The following RHOBTB1 variants were observed in gnomAD, a reference collection of about 807,000 sequenced individuals.
The protein encoded by RHOBTB1 is rho-related BTB domain-containing protein 1.
A neutral mutation model predicts 71.6 loss-of-function variants in RHOBTB1; 40 were observed. The observed-to-expected ratio is 0.56, with a 90% confidence interval of 0.43 to 0.73. RHOBTB1 has a LOEUF of 0.73. RHOBTB1 is among the 30% of genes least tolerant of loss of function. The pLI is 0.00. For missense variants in RHOBTB1, 797 were observed against 894.0 expected (o/e 0.89, Z 1.38); for synonymous variants, 319 against 334.9 (o/e 0.95, Z 0.52).
At chr10:60,925,010 A>G (rs1435619302) in intron 2 of RHOBTB1, among the ~76,000 whole-genome samples, 1 of 152,194 alleles carries the variant, frequency 6.6e-6, no homozygotes, top group African/African-American at 2.4e-5. Flanking sequence ...GGCTTGAGCC[A>G]TCCTCTTGGT....
intron 2 of RHOBTB1, among the ~76,000 whole-genome samples, chr10:60,929,214 T>A (rs1040487894): frequency 2.6e-5 from 4 of 152,084 alleles, no homozygotes; most frequent in Non-Finnish European, 5.9e-5. Flanking sequence ...TATCACCCAA[T>A]TACCATGATT....
chr10:60,970,597 T>C (rs2086119818), intron 2 of RHOBTB1, among the ~76,000 whole-genome samples: 1 of 152,102 alleles, frequency 6.6e-6, no homozygotes, highest in Non-Finnish European at 1.5e-5. Context: ...AACTTTAGAA[T>C]CATTTTGGAC....
intron 2 of RHOBTB1, among the ~76,000 whole-genome samples, chr10:60,967,364 C>T (rs1380821935): frequency 6.8e-6 from 1 of 147,330 alleles, no homozygotes; most frequent in African/African-American, 2.5e-5. Context: ...CCTGTCTTGG[C>T]TCACCGCAAT....
rs1280242543 is a variant in RHOBTB1 at position 60,872,255 on chromosome 10, C to T, written c.1851G>A (p.Leu617=). ...TGTTGTAGTTGGTGCAGATGTGGTG[C>T]AAACACCAGGCGGCCAACTGGTGGG... ...HNAHQLAAWC[L]HHICTNYNSV... is the part of the protein sequence containing the mutation. The change falls in exon 10 of 11, where the codon TTG becomes TTA. Residue 617 remains leucine (L), a synonymous_variant. Coordinates refer to ENST00000337910, the MANE Select transcript of RHOBTB1 (RefSeq NM_014836.5). 1.2e-6 allele frequency: 2 copies of T among 1,614,098 alleles called. No homozygotes were observed. The highest frequency in any genetic ancestry group is 1.7e-5 in the Admixed American group (1 of 60,030).
intron 4 of RHOBTB1, among the ~76,000 whole-genome samples, chr10:60,901,944 G>A (rs947307900): frequency 4.6e-5 from 7 of 152,178 alleles, no homozygotes; most frequent in Non-Finnish European, 8.8e-5. Flanking sequence ...CATGTGACTG[G>A]TGCTTGGGCA....
Position 60,988,706 on chromosome 10 carries a change from T to C in RHOBTB1, c.-162-2761A>G, listed in dbSNP as rs535043187. On this transcript the variant is annotated intron_variant, in intron 1 of 11. Transcript: ENST00000357917. ...ACATTTTCTTTATTCAATCCACCAC[T>C]GATGGGCACCTAGGTTGATTCCATG... Among the ~76,000 whole-genome samples the C allele has an allele frequency of 2.6e-5, 4 of 152,316 alleles. No individual in the cohort carries two copies. In the South Asian group the frequency reaches 6.2e-4, roughly 24 times the overall value.
chr10:60,861,097 C>A, the RHOBTB1 span, among the ~76,000 whole-genome samples: 1 of 152,156 alleles, frequency 6.6e-6, no homozygotes, highest in African/African-American at 2.4e-5. Context: ...AGATAATTGG[C>A]AGCACACTGG....
intron 10 of RHOBTB1, 67 bp from the exon 11 acceptor site, chr10:60,871,718 G>C: frequency 6.9e-7 from 1 of 1,455,232 alleles, no homozygotes; most frequent in Non-Finnish European, 9.4e-7. Flanking sequence ...GCTAGGCCTT[G>C]AGCTTAAAGC....
chr10:61,001,624 G>T (rs979430429), upstream of RHOBTB1, among the ~76,000 whole-genome samples: 3 of 151,962 alleles, frequency 2.0e-5, no homozygotes, highest in African/African-American at 4.8e-5. Context: ...GGGACCACGG[G>T]TCCCTCCACA....
chr10:60,898,315 G>T (rs2082257425), intron 4 of RHOBTB1, among the ~76,000 whole-genome samples: 1 of 152,112 alleles, frequency 6.6e-6, no homozygotes, highest in South Asian at 2.1e-4. Context: ...GTTCTTTACA[G>T]AAACATTTTC....
At chr10:61,001,182 A>G (rs2087254649) in intron 1 of RHOBTB1, among the ~76,000 whole-genome samples, 2 of 152,124 alleles carry the variant, frequency 1.3e-5, no homozygotes. Flanking sequence ...GTGCTTTGTC[A>G]GAGCAGCTGG....
chr10:60,900,874 T>C (rs542093874), intron 4 of RHOBTB1, among the ~76,000 whole-genome samples: 58 of 152,348 alleles, frequency 3.8e-4, no homozygotes, highest in African/African-American at 1.3e-3. Flanking sequence ...TCTCTATATA[T>C]TTTAATTATT....
At chr10:60,893,141 G>A in intron 4 of RHOBTB1, 146 bp from the exon 5 acceptor site, 1 of 653,326 alleles carries the variant, frequency 1.5e-6, no homozygotes, top group Non-Finnish European at 2.6e-6. Flanking sequence ...AAAACATCTT[G>A]GAGTCATGCA....
At chr10:60,872,358 A>C in intron 9 of RHOBTB1, 68 bp from the exon 10 acceptor site, 1 of 1,088,986 alleles carries the variant, frequency 9.2e-7, no homozygotes, top group Non-Finnish European at 1.4e-6. Context: ...AAATTGGGGA[A>C]GCCATTTTAA....
chr10:60,936,999 A>G (rs1253965428), intron 2 of RHOBTB1, among the ~76,000 whole-genome samples: 2 of 152,336 alleles, frequency 1.3e-5, no homozygotes, highest in Admixed American at 6.5e-5. Context: ...AAATACTAAA[A>G]GTGAAATTGC....
chr10:60,963,625 G>A lies in RHOBTB1; in HGVS notation c.-61-21771C>T, dbSNP rs192231233. Among the ~76,000 whole-genome samples the A allele has an allele frequency of 5.9e-5, 9 of 152,242 alleles. No homozygotes were observed. In the East Asian group the frequency reaches 1.7e-3, roughly 29 times the overall value. On this transcript the variant is annotated intron_variant, in intron 2 of 11. Transcript: ENST00000357917. ...TGAGGTCATGTGTTCCATTGGAACA[G>A]GAAAAATATTTCAGATCTGTGGTCC...
intron 5 of RHOBTB1, among the ~76,000 whole-genome samples, chr10:60,891,334 CTTTTTTT>C (rs756153141): frequency 7.0e-5 from 5 of 71,318 alleles, no homozygotes; most frequent in African/African-American, 1.8e-4. Flanking sequence ...TTGCTGTTTG[CTTTTTTT>C]TTTTTTTTTT....
At chr10:60,965,448 A>C (rs1359052499) in intron 2 of RHOBTB1, among the ~76,000 whole-genome samples, 2 of 152,060 alleles carry the variant, frequency 1.3e-5, no homozygotes, top group Non-Finnish European at 2.9e-5. Flanking sequence ...ATTTAAACTC[A>C]AGTGTGTTTG....
chr10:60,898,921 A>G (rs184717712), intron 4 of RHOBTB1, among the ~76,000 whole-genome samples: 82 of 152,312 alleles, frequency 5.4e-4, no homozygotes, highest in Non-Finnish European at 1.0e-3. Context: ...ACCAAACCCT[A>G]AGGTAGATAA....
Sources: gnomAD v4.1 joint callset for allele counts (sites outside exome capture counted in the v4.1 genomes callset) on GRCh38, gnomAD v4.1.1 for gene constraint, MANE v1.5 for transcripts, NCBI Gene and HGNC (gene_info 2026-07-23, HGNC 2026-07-21) for gene names.